RFX3: variants seen among roughly 807,000 people sequenced by gnomAD.
The protein encoded by RFX3 is transcription factor RFX3.
RFX3 carries 14 observed loss-of-function variants against 98.6 expected under a neutral mutation model. That is an observed-to-expected ratio of 0.14 (90% CI 0.09 to 0.22). The LOEUF is 0.22. RFX3 is among the 10% of genes least tolerant of loss of function. The probability of loss-of-function intolerance (pLI) is 1.00; values close to 1 mark genes in which losing one functional copy is unlikely to be tolerated. For missense variants in RFX3, 639 were observed against 926.9 expected (o/e 0.69, Z 4.03); for synonymous variants, 383 against 328.4 (o/e 1.17, Z -1.80).
chr9:3,218,298 A>G lies in RFX3; in HGVS notation c.*6744T>C, dbSNP rs1817180818. The G allele has an allele frequency of 6.6e-6, 1 of 152,172 alleles. No individual in the cohort carries two copies. The highest frequency in any genetic ancestry group is 1.5e-5 in the Non-Finnish European group (1 of 68,030). 9.4% of individuals were successfully genotyped at this position (152,172 alleles called of 1,614,324 possible). On this transcript the variant is annotated 3_prime_UTR_variant, in exon 17 of 17. Coordinates refer to ENST00000617270, the MANE Select transcript of RFX3 (RefSeq NM_001282116.2). ...AAAAAACCCAAGCCATTTCCAATGT[A>G]TTTGTAACAAGGAAACAAATTTATT...
chr9:3,354,745 C>T (rs988093128), intron 2 of RFX3, among the ~76,000 whole-genome samples: 34 of 151,704 alleles, frequency 2.2e-4, no homozygotes, highest in African/African-American at 4.8e-5. Flanking sequence ...TAGATGGAAA[C>T]TGAGATCTAC....
At position 3,504,913 on chromosome 9, in the gene RFX3, TA is replaced by T. The variant is rs1564185666; in HGVS notation, c.-9+20833del. 4.1e-3 allele frequency among the ~76,000 whole-genome samples: 307 copies of T among 74,094 alleles called. 7 individuals are homozygous for T. The highest frequency in any genetic ancestry group is 0.018 in the African/African-American group (293 of 15,858). The allele number at this position is 74,094 out of a possible 152,430, so 48.6% of individuals were successfully genotyped here. On this transcript the variant is annotated intron_variant, in intron 1 of 16. Coordinates refer to ENST00000617270, the MANE Select transcript of RFX3 (RefSeq NM_001282116.2). ...ATATAACATATATTATATATATATA[TA>T]ATATAACATATATTATATATAATAT...
At chr9:3,518,897 C>G (rs1818437591) in intron 1 of RFX3, among the ~76,000 whole-genome samples, 1 of 152,114 alleles carries the variant, frequency 6.6e-6, no homozygotes. Flanking sequence ...ACACATTTTT[C>G]TACCCTTAGT....
chr9:3,245,715 C>G (rs1045485342), intron 15 of RFX3, among the ~76,000 whole-genome samples: 9 of 152,134 alleles, frequency 5.9e-5, no homozygotes. Context: ...ATAATATGCT[C>G]TCAGTAAATA....
intron 6 of RFX3, among the ~76,000 whole-genome samples, chr9:3,292,212 T>A (rs930992442): frequency 3.3e-5 from 5 of 151,950 alleles, no homozygotes; most frequent in Admixed American, 6.6e-5. Flanking sequence ...TTCTATAAGA[T>A]TTAGGAAATT....
At chr9:3,416,087 A>G (rs35412653) in intron 1 of RFX3, among the ~76,000 whole-genome samples, 19,137 of 152,252 alleles carry the variant, frequency 0.13, 1,414 homozygotes, top group African/African-American at 0.2. Flanking sequence ...TAAGTAAAAT[A>G]AGAGCACTTA....
At chr9:3,345,477 T>C (rs1406750223) in intron 3 of RFX3, among the ~76,000 whole-genome samples, 2 of 152,078 alleles carry the variant, frequency 1.3e-5, no homozygotes, top group Non-Finnish European at 2.9e-5. Flanking sequence ...TGACCAAATA[T>C]AGTAAGAAAA....
intron 1 of RFX3, among the ~76,000 whole-genome samples, chr9:3,506,871 A>T (rs1437423701): frequency 1.3e-5 from 2 of 151,948 alleles, no homozygotes; most frequent in Non-Finnish European, 2.9e-5. Flanking sequence ...CATTTTGGAA[A>T]AAAAAGAAGT....
chr9:3,243,748 A>G (rs765954773), intron 15 of RFX3, among the ~76,000 whole-genome samples: 5 of 152,212 alleles, frequency 3.3e-5, no homozygotes, highest in Non-Finnish European at 7.3e-5. Context: ...CACCTTTTCC[A>G]AAGCAAGCAC....
At chr9:3,263,879 A>G (rs1015335868) in intron 12 of RFX3, among the ~76,000 whole-genome samples, 13 of 152,144 alleles carry the variant, frequency 8.5e-5, no homozygotes, top group Non-Finnish European at 1.5e-5. Flanking sequence ...TTACCAGGGT[A>G]CTTATTCACT....
At chr9:3,519,015 T>C (rs570577211) in intron 1 of RFX3, among the ~76,000 whole-genome samples, 66 of 152,212 alleles carry the variant, frequency 4.3e-4, no homozygotes, top group Non-Finnish European at 5.4e-4. Flanking sequence ...CTTTACTGAC[T>C]ACATTCAGTA....
At chr9:3,493,282 G>C (rs1049147992) in intron 1 of RFX3, among the ~76,000 whole-genome samples, 1 of 152,100 alleles carries the variant, frequency 6.6e-6, no homozygotes, top group African/African-American at 2.4e-5. Flanking sequence ...AGATGATTGA[G>C]AGAGGTTCCC....
rs1232131908 is a variant in RFX3 at position 3,224,791 on chromosome 9, T to A, written c.*251A>T. The A allele has an allele frequency of 2.7e-6, 1 of 374,098 alleles. No homozygotes were observed. Among genetic ancestry groups the A allele is most frequent in the Non-Finnish European group, 4.8e-6 (1 of 209,274 alleles). 23.2% of individuals were successfully genotyped at this position (374,098 alleles called of 1,614,324 possible). ...AAGAAAACAAAACATTGACATTAAGTGTTGTAAAAATCCTTCTTGACACCT... is the reference window on the plus strand; with the variant it reads ...AAGAAAACAAAACATTGACATTAAGAGTTGTAAAAATCCTTCTTGACACCT... On this transcript the variant is annotated 3_prime_UTR_variant, in exon 17 of 17. Coordinates refer to ENST00000617270, the MANE Select transcript of RFX3 (RefSeq NM_001282116.2).
At chr9:3,373,603 C>G (rs1356942245) in intron 2 of RFX3, among the ~76,000 whole-genome samples, 1 of 152,022 alleles carries the variant, frequency 6.6e-6, no homozygotes, top group African/African-American at 2.4e-5. Flanking sequence ...TCCTCCTGGC[C>G]CCTTCAGGAA....
In RFX3 at chr9:3,293,184, G is replaced by A. The variant is rs369117234; in HGVS notation, c.624C>T (p.Tyr208=). The A allele has an allele frequency of 5.0e-6, 8 of 1,613,270 alleles. No individual in the cohort carries two copies. Among genetic ancestry groups the A allele is most frequent in the South Asian group, 1.1e-5 (1 of 90,970 alleles). ...GTTTGTGTTCCTGACAGTGTCGAAG[G>A]TAGTGGTTGTACAGAGTGCTTCTGG... The part of the protein sequence containing the change: ...SLPRSTLYNH[Y]LRHCQEHKLD... The change falls in exon 6 of 17, where the codon TAC becomes TAT. Residue 208 remains tyrosine, a synonymous_variant. Coordinates refer to ENST00000617270, the MANE Select transcript of RFX3 (RefSeq NM_001282116.2).
intron 7 of RFX3, 35 bp downstream of exon 7, chr9:3,288,096 A>C: frequency 6.2e-7 from 1 of 1,609,884 alleles, no homozygotes; most frequent in Non-Finnish European, 8.5e-7. Flanking sequence ...AGAAATACAT[A>C]GCTTGGACAC....
chr9:3,232,709 T>C (rs1271172311), intron 15 of RFX3, among the ~76,000 whole-genome samples: 2 of 152,048 alleles, frequency 1.3e-5, no homozygotes, highest in Non-Finnish European at 1.5e-5. Context: ...ATTAGTCTAA[T>C]GTCATGTAGT....
Position 3,347,909 on chromosome 9 carries a change from T to C in RFX3, c.118-1145A>G, listed in dbSNP as rs1206817298. 2.6e-5 allele frequency among the ~76,000 whole-genome samples: 4 copies of C among 152,220 alleles called. No homozygotes were observed. In the East Asian group the frequency reaches 5.8e-4, roughly 22 times the overall value. On this transcript the variant is annotated intron_variant, in intron 2 of 16. Coordinates refer to ENST00000617270, the MANE Select transcript of RFX3 (RefSeq NM_001282116.2). ...TATTTCTAAGAGATAGGAATTGTTT[T>C]TAGCTGGAACACAATAATATCATTT...
intron 3 of RFX3, among the ~76,000 whole-genome samples, chr9:3,332,503 T>A (rs547828068): frequency 1.3e-5 from 2 of 152,210 alleles, no homozygotes; most frequent in Non-Finnish European, 2.9e-5. Context: ...ATGATCAACC[T>A]GTAATTGCCT....
Sources: allele counts gnomAD v4.1 joint callset (sites outside exome capture counted in the v4.1 genomes callset), GRCh38; gene constraint gnomAD v4.1.1; transcripts MANE v1.5; gene names NCBI Gene and HGNC (gene_info 2026-07-23, HGNC 2026-07-21).